Variants in LARP1B observed in about 807,000 individuals in gnomAD.
LARP1B encodes the protein la-related protein 1B.
LARP1B carries 76 observed loss-of-function variants against 114.2 expected under a neutral mutation model. The observed-to-expected ratio is 0.67, with a 90% confidence interval of 0.55 to 0.81. LARP1B has a LOEUF of 0.81. LARP1B is among the 30% of genes least tolerant of loss of function. The pLI, the probability that LARP1B is intolerant of heterozygous loss-of-function variation, is 0.00. For synonymous variants in LARP1B, 345 were observed against 348.0 expected (o/e 0.99, Z 0.10); for missense variants, 1,014 against 1,075.8 (o/e 0.94, Z 0.80).
chr4:128,163,765 G>A (rs1387546970), intron 12 of LARP1B, among the ~76,000 whole-genome samples: 1 of 151,900 alleles, frequency 6.6e-6, no homozygotes, highest in Non-Finnish European at 1.5e-5. Context: ...TTCTATTACA[G>A]TTATTATTAT....
intron 15 of LARP1B, among the ~76,000 whole-genome samples, chr4:128,191,519 AAC>A (rs1752270666): frequency 6.6e-6 from 1 of 152,080 alleles, no homozygotes; most frequent in South Asian, 2.1e-4. Flanking sequence ...GGCTCTCACA[AAC>A]ATTGGAGCAC....
At chr4:128,103,912 A>G (rs1781205477) in intron 8 of LARP1B, among the ~76,000 whole-genome samples, 1 of 149,628 alleles carries the variant, frequency 6.7e-6, no homozygotes, top group Non-Finnish European at 1.5e-5. Context: ...AGGCTTTAGT[A>G]GCTGTACATA....
At chr4:128,099,497 G>T (rs1284174250) in intron 8 of LARP1B, among the ~76,000 whole-genome samples, 6 of 151,950 alleles carry the variant, frequency 3.9e-5, no homozygotes, top group Non-Finnish European at 8.8e-5. Flanking sequence ...ATGTTGGCCA[G>T]GTTGTAGCCT....
At chr4:128,066,221 G>T (rs1762791029) in intron 1 of LARP1B, among the ~76,000 whole-genome samples, 1 of 127,536 alleles carries the variant, frequency 7.8e-6, no homozygotes, top group Non-Finnish European at 1.6e-5. Flanking sequence ...CTGTCGCCCA[G>T]GCTGGAGTGC....
chr4:128,132,989 G>A (rs537822650), intron 11 of LARP1B, among the ~76,000 whole-genome samples: 2 of 151,872 alleles, frequency 1.3e-5, no homozygotes, highest in Non-Finnish European at 1.5e-5. Flanking sequence ...TAGATTCCTC[G>A]CATTTGCAGT....
chr4:128,201,611 C>G lies in LARP1B; in HGVS notation c.2309+946C>G, dbSNP rs150221092. Among the ~76,000 whole-genome samples, 423 of 152,324 alleles carry G rather than the reference C, an allele frequency of 2.8e-3. 3 individuals are homozygous for G. Among genetic ancestry groups the G allele is most frequent in the African/African-American group, 9.6e-3 (399 of 41,578 alleles). The stretch of plus-strand genomic sequence containing the variant: ...TAGCCTCTGGACATCTGTGCATGTT[C>G]TTAACTTTGCTTCTACTTCTCTTCG... On this transcript the variant is annotated intron_variant, in intron 17 of 19. Transcript: ENST00000326639.
intron 11 of LARP1B, chr4:128,155,815 G>C: frequency 6.3e-7 from 1 of 1,585,814 alleles, no homozygotes; most frequent in Non-Finnish European, 8.7e-7. Context: ...ACTGGAAGAT[G>C]AGAAATCAGG....
intron 10 of LARP1B, among the ~76,000 whole-genome samples, chr4:128,121,141 T>G (rs1014752193): frequency 2.6e-5 from 4 of 152,146 alleles, no homozygotes; most frequent in African/African-American, 9.7e-5. Flanking sequence ...TTGCTGAATA[T>G]TAGCATGAAT....
intron 15 of LARP1B, among the ~76,000 whole-genome samples, chr4:128,194,632 A>G (rs1034558968): frequency 8.2e-5 from 11 of 134,488 alleles, no homozygotes; most frequent in African/African-American, 2.2e-4. Context: ...GCAGTGAGCC[A>G]AGATCTCGCC....
chr4:128,122,684 G>T, intron 11 of LARP1B: 1 of 1,327,392 alleles, frequency 7.5e-7, no homozygotes, highest in Non-Finnish European at 9.6e-7. Context: ...AATGGTTGTG[G>T]ACAAACTATA....
chr4:128,184,554 T>C (rs1749668071), intron 15 of LARP1B, among the ~76,000 whole-genome samples: 1 of 152,226 alleles, frequency 6.6e-6, no homozygotes, highest in Non-Finnish European at 1.5e-5. Flanking sequence ...CATTTTTCTT[T>C]ATTCTGTTCC....
chr4:128,114,218 A>G (rs575163829), intron 9 of LARP1B, among the ~76,000 whole-genome samples: 42 of 152,344 alleles, frequency 2.8e-4, no homozygotes, highest in African/African-American at 1.0e-3. Flanking sequence ...CTGAGATGCC[A>G]TAATTTCCTT....
intron 5 of LARP1B, among the ~76,000 whole-genome samples, chr4:128,087,643 C>A (rs1013397881): frequency 5.3e-5 from 8 of 152,174 alleles, no homozygotes; most frequent in African/African-American, 1.7e-4. Flanking sequence ...AAGAAAATCA[C>A]ACTAGTTTCC....
intron 15 of LARP1B, among the ~76,000 whole-genome samples, chr4:128,193,836 G>A (rs1005815806): frequency 2.0e-5 from 3 of 151,946 alleles, no homozygotes; most frequent in African/African-American, 7.3e-5. Context: ...CAAGTTAGTC[G>A]TGAATTCCTG....
rs559312234 is a variant in LARP1B at position 128,129,164 on chromosome 4, C to CAAA, written c.1524+7014_1524+7016dup. 2.3e-3 allele frequency among the ~76,000 whole-genome samples: 111 copies of CAAA among 49,136 alleles called. 12 individuals carry two copies. Among genetic ancestry groups the CAAA allele is most frequent in the East Asian group, 6.8e-3 (9 of 1,314 alleles). The allele number at this position is 49,136 out of a possible 152,430, so 32.2% of individuals were successfully genotyped here. On this transcript the variant is annotated intron_variant, in intron 11 of 19. Coordinates refer to ENST00000326639, the MANE Select transcript of LARP1B (RefSeq NM_018078.4). ...TGGGCGACAGAGCGAGACTCTGTCT[C>CAAA]AAAAAAAAAAAAAAAAAAAAAAAAA...
intron 12 of LARP1B, among the ~76,000 whole-genome samples, chr4:128,168,119 G>C (rs72924424): frequency 0.03 from 4,522 of 152,046 alleles, 241 homozygotes; most frequent in African/African-American, 0.1. Context: ...CATTTCACTT[G>C]GGTAAATGCT....
chr4:128,207,745 CAT>C (rs1375569688), intron 19 of LARP1B, among the ~76,000 whole-genome samples: 17 of 152,190 alleles, frequency 1.1e-4, no homozygotes, highest in Non-Finnish European at 2.2e-4. Flanking sequence ...ATTCCTGTAA[CAT>C]GTGCTGATAT....
chr4:128,109,735 T>C (rs1783354535), intron 9 of LARP1B, among the ~76,000 whole-genome samples: 1 of 151,890 alleles, frequency 6.6e-6, no homozygotes, highest in African/African-American at 2.4e-5. Context: ...CCTTGACTCT[T>C]AGCACCACTC....
chr4:128,065,249 ATTAATTTC>A (rs1391191656), intron 1 of LARP1B, among the ~76,000 whole-genome samples: 1,834 of 95,600 alleles, frequency 0.019, 60 homozygotes, highest in South Asian at 0.044. Flanking sequence ...TTCTCCCACA[ATTAATTTC>A]TTTCTTTCTT....
Sources: allele counts gnomAD v4.1 joint callset (sites outside exome capture counted in the v4.1 genomes callset), GRCh38; gene constraint gnomAD v4.1.1; transcripts MANE v1.5; gene names NCBI Gene and HGNC (gene_info 2026-07-23, HGNC 2026-07-21).